TMEM236: variants seen among roughly 807,000 people sequenced by gnomAD.
TMEM236 encodes the protein family with sequence similarity 23, member A.
In TMEM236, 11 loss-of-function variants were observed where a neutral mutation model predicts 14.7. The ratio of observed to expected loss-of-function variants is 0.75; its 90% confidence interval spans 0.47 to 1.24. TMEM236 has a LOEUF of 1.24. TMEM236 is among the 50% of genes most tolerant of loss of function. The probability of loss-of-function intolerance (pLI) is 0.00; values close to 1 mark genes in which losing one functional copy is unlikely to be tolerated. For missense variants in TMEM236, 464 were observed against 427.3 expected, an observed-to-expected ratio of 1.09 and a Z score of -0.76; for synonymous variants, 182 against 168.6, an observed-to-expected ratio of 1.08 and a Z score of -0.62.
intron 1 of TMEM236, among the ~76,000 whole-genome samples, chr10:17,765,089 G>C (rs891866526): frequency 0.014 from 2,197 of 152,078 alleles, 18 homozygotes; most frequent in Non-Finnish European, 0.023. Context: ...CAAAGTGCTG[G>C]AATTACAGGC....
intron 1 of TMEM236, among the ~76,000 whole-genome samples, chr10:17,768,727 ATGTGTGTGTG>A (rs570319904): frequency 6.9e-6 from 1 of 144,202 alleles, no homozygotes; most frequent in African/African-American, 2.5e-5. Flanking sequence ...TATACAACTC[ATGTGTGTGTG>A]TGTGTGTGTG....
At position 17,796,652 on chromosome 10, in the gene TMEM236, C is replaced by A; in HGVS notation, c.*148C>A. 1 of 645,398 alleles carries A rather than the reference C, an allele frequency of 1.5e-6. No individual in the cohort carries two copies. The highest frequency in any genetic ancestry group is 2.6e-6 in the Non-Finnish European group (1 of 391,798). 40.0% of individuals were successfully genotyped at this position (645,398 alleles called of 1,614,324 possible). A position where few individuals can be genotyped will look rare whatever the true frequency, so the allele number is the denominator to read the frequency against. ...GCCATTTTTACTAACTCTAGCATAT[C>A]AGTTTTTTTTTTTACATATACAAAT... is the stretch of plus-strand genomic sequence containing the variant. On this transcript the variant is annotated 3_prime_UTR_variant, in exon 4 of 4. Transcript: ENST00000377495.
intron 2 of TMEM236, among the ~76,000 whole-genome samples, chr10:17,775,277 T>C (rs1837641514): frequency 6.6e-6 from 1 of 152,026 alleles, no homozygotes; most frequent in Non-Finnish European, 1.5e-5. Flanking sequence ...GGTTTGTTTT[T>C]GTTTCTGTTT....
intron 3 of TMEM236, among the ~76,000 whole-genome samples, chr10:17,776,453 A>G (rs1443176822): frequency 6.6e-6 from 1 of 152,236 alleles, no homozygotes; most frequent in Non-Finnish European, 1.5e-5. Flanking sequence ...GCAAGAAATT[A>G]TCCAAGTAAA....
At chr10:17,780,698 G>GTAGA (rs1837732596) in intron 3 of TMEM236, among the ~76,000 whole-genome samples, 1 of 152,170 alleles carries the variant, frequency 6.6e-6, no homozygotes, top group Non-Finnish European at 1.5e-5. Context: ...GTTGTCTGGG[G>GTAGA]TAGATACCCA....
intron 3 of TMEM236, among the ~76,000 whole-genome samples, chr10:17,784,172 T>A (rs1837798401): frequency 6.6e-6 from 1 of 152,210 alleles, no homozygotes; most frequent in Admixed American, 6.5e-5. Context: ...TAAAAATTAT[T>A]TACCAATTAT....
chr10:17,752,579 C>A, intron 1 of TMEM236, 27 bp downstream of exon 1: 1 of 1,608,670 alleles, frequency 6.2e-7, no homozygotes, highest in Non-Finnish European at 8.5e-7. Context: ...TCTTTTTTTT[C>A]TTTTTGATTT....
intron 1 of TMEM236, among the ~76,000 whole-genome samples, chr10:17,767,303 A>T (rs906490261): frequency 6.6e-6 from 1 of 152,100 alleles, no homozygotes; most frequent in Non-Finnish European, 1.5e-5. Flanking sequence ...TCTACTAAAA[A>T]TACAAAAATT....
chr10:17,761,208 T>G (rs36066810), intron 1 of TMEM236, among the ~76,000 whole-genome samples: 6,356 of 152,248 alleles, frequency 0.042, 222 homozygotes, highest in East Asian at 0.21. Flanking sequence ...CCCCAAATTT[T>G]CATATATTCA....
rs1838006338 is a variant in TMEM236 at position 17,796,009 on chromosome 10, A to G, written c.561A>G (p.Ala187=). The G allele has an allele frequency of 6.2e-7, 1 of 1,613,872 alleles. No homozygotes were observed. The highest frequency in any genetic ancestry group is 1.3e-5 in the African/African-American group (1 of 74,928). ...EQVRQSPENA[A]SPQATNSTQV... ...TGAGGCAAAGTCCAGAAAACGCTGCATCTCCCCAGGCAACCAACAGCACCC... is the reference window on the plus strand; with the variant it reads ...TGAGGCAAAGTCCAGAAAACGCTGCGTCTCCCCAGGCAACCAACAGCACCC... Residue 187 remains alanine (A), a synonymous_variant, in exon 4 of 4, where the codon GCA becomes GCG. Coordinates refer to ENST00000377495, the MANE Select transcript of TMEM236 (RefSeq NM_001098844.3).
chr10:17,790,607 T>C (rs1837910563), intron 3 of TMEM236, among the ~76,000 whole-genome samples: 1 of 152,220 alleles, frequency 6.6e-6, no homozygotes, highest in African/African-American at 2.4e-5. Flanking sequence ...TGTATTTTAA[T>C]TTATTGCCTT....
intron 1 of TMEM236, among the ~76,000 whole-genome samples, chr10:17,762,180 A>C (rs1407674850): frequency 6.6e-6 from 1 of 152,086 alleles, no homozygotes; most frequent in East Asian, 1.9e-4. Context: ...AATTTTTGCA[A>C]CATTTGAAGG....
At chr10:17,787,283 G>T (rs1257554655) in intron 3 of TMEM236, among the ~76,000 whole-genome samples, 1 of 152,176 alleles carries the variant, frequency 6.6e-6, no homozygotes, top group African/African-American at 2.4e-5. Flanking sequence ...GCCTGATGTC[G>T]CATTACATCC....
rs1480015007 is a variant in TMEM236 at position 17,774,884 on chromosome 10, G to C, written c.331-1145G>C. 2.0e-5 allele frequency among the ~76,000 whole-genome samples: 3 copies of C among 150,334 alleles called. No homozygotes were observed. In the Admixed American group the frequency reaches 2.0e-4, roughly 10 times the overall value. On this transcript the variant is annotated intron_variant, in intron 2 of 3. Coordinates refer to ENST00000377495, the MANE Select transcript of TMEM236 (RefSeq NM_001098844.3). ...ATGATCTCAGCTCACTGCGACCTCT[G>C]CCTCCTGGGTTCAAGCAATTCTCCT... is the stretch of plus-strand genomic sequence containing the variant.
chr10:17,770,815 G>A (rs1415364092), intron 1 of TMEM236, among the ~76,000 whole-genome samples: 1 of 152,004 alleles, frequency 6.6e-6, no homozygotes, highest in African/African-American at 2.4e-5. Flanking sequence ...TCATTTTTAT[G>A]TGTGTATGGT....
At chr10:17,759,982 CAAAAAAAAAAAA>C (rs35596189) in intron 1 of TMEM236, among the ~76,000 whole-genome samples, 770 of 54,730 alleles carry the variant, frequency 0.014, 14 homozygotes, top group African/African-American at 0.053. Flanking sequence ...GACTCCGTCT[CAAAAAAAAAAAA>C]AAAAAAAAAA....
chr10:17,765,632 C>T (rs1186714142), intron 1 of TMEM236, among the ~76,000 whole-genome samples: 46 of 152,172 alleles, frequency 3.0e-4, no homozygotes, highest in Non-Finnish European at 3.5e-4. Flanking sequence ...GAACAGGAGT[C>T]GTGGGTCCCA....
At chr10:17,788,241 G>A (rs1837869040) in intron 3 of TMEM236, among the ~76,000 whole-genome samples, 1 of 150,732 alleles carries the variant, frequency 6.6e-6, no homozygotes, top group East Asian at 1.9e-4. Context: ...AAAATATATT[G>A]TAAATTAAAT....
At chr10:17,770,679 G>A (rs897017332) in intron 1 of TMEM236, among the ~76,000 whole-genome samples, 12 of 152,096 alleles carry the variant, frequency 7.9e-5, no homozygotes, top group Non-Finnish European at 1.6e-4. Flanking sequence ...CACCGTGCCC[G>A]GCCACATTTA....
Sources: allele counts gnomAD v4.1 joint callset (sites outside exome capture counted in the v4.1 genomes callset), GRCh38; gene constraint gnomAD v4.1.1; transcripts MANE v1.5; gene names NCBI Gene and HGNC (gene_info 2026-07-23, HGNC 2026-07-21).